GPHN: variants seen among roughly 807,000 people sequenced by gnomAD.
GPHN encodes the protein gephyrin.
In GPHN, 17 loss-of-function variants were observed where a neutral mutation model predicts 95.5. The ratio of observed to expected loss-of-function variants is 0.18; its 90% CI spans 0.12 to 0.27. The LOEUF (loss-of-function observed/expected upper bound fraction) is 0.27, where lower values mean the gene tolerates loss of function less well. Ranked by LOEUF, GPHN falls within the 10% of genes least tolerant of loss-of-function variation. The pLI is 1.00. For missense variants in GPHN, 660 were observed against 978.1 expected, an observed-to-expected ratio of 0.67 and a Z score of 4.34; for synonymous variants, 320 against 322.5, an observed-to-expected ratio of 0.99 and a Z score of 0.08.
At chr14:66,514,818 T>C (rs1464326929) in intron 1 of GPHN, among the ~76,000 whole-genome samples, 1 of 152,066 alleles carries the variant, frequency 6.6e-6, no homozygotes, top group Non-Finnish European at 1.5e-5. Flanking sequence ...AATGATGTCT[T>C]TCTTTGTTTT....
the GPHN span, among the ~76,000 whole-genome samples, chr14:67,489,718 C>T: frequency 4.3e-3 from 659 of 152,310 alleles, 6 homozygotes; most frequent in African/African-American, 0.015. Flanking sequence ...TAGCCGGGCG[C>T]GGTGGCTCAC....
chr14:67,541,887 A>T, the GPHN span: 1 of 1,602,466 alleles, frequency 6.2e-7, no homozygotes, highest in East Asian at 2.3e-5. Context: ...CTCAAGGTGG[A>T]GGCGCCGGCC....
At chr14:66,787,833 A>G (rs906949343) in intron 3 of GPHN, among the ~76,000 whole-genome samples, 7 of 151,096 alleles carry the variant, frequency 4.6e-5, no homozygotes, top group East Asian at 1.9e-4. Flanking sequence ...TTCAAAATAC[A>G]TAGTAGGCTT....
chr14:67,479,611 G>A, the GPHN span, among the ~76,000 whole-genome samples: 7 of 152,020 alleles, frequency 4.6e-5, no homozygotes, highest in Non-Finnish European at 1.0e-4. Flanking sequence ...CCAGCTACTC[G>A]GGAGGCTGAG....
the GPHN span, among the ~76,000 whole-genome samples, chr14:67,367,219 A>G: frequency 6.6e-6 from 1 of 152,338 alleles, no homozygotes; most frequent in Admixed American, 6.5e-5. Flanking sequence ...ACTGCCTGCT[A>G]AAACAAAAAA....
At chr14:67,619,135 G>A in the GPHN span, among the ~76,000 whole-genome samples, 1 of 152,134 alleles carries the variant, frequency 6.6e-6, no homozygotes, top group Admixed American at 6.5e-5. Flanking sequence ...TAGAATTGGA[G>A]GGGTAAAGTT....
At chr14:67,058,244 A>G (rs1361328774) in intron 10 of GPHN, among the ~76,000 whole-genome samples, 1 of 152,240 alleles carries the variant, frequency 6.6e-6, no homozygotes, top group African/African-American at 2.4e-5. Context: ...GTCTAGCAAT[A>G]AATAATCTCT....
intron 1 of GPHN, among the ~76,000 whole-genome samples, chr14:66,570,519 T>C (rs2060643832): frequency 6.6e-6 from 1 of 152,148 alleles, no homozygotes; most frequent in Non-Finnish European, 1.5e-5. Context: ...TTGGCCAGGC[T>C]GGTCTTGAAC....
chr14:67,227,150 A>G, the GPHN span, among the ~76,000 whole-genome samples: 1 of 152,166 alleles, frequency 6.6e-6, no homozygotes, highest in Non-Finnish European at 1.5e-5. Context: ...AAATTGAAAA[A>G]TTTGCTCCCA....
the GPHN span, chr14:67,392,718 G>A: frequency 5.6e-6 from 9 of 1,614,174 alleles, no homozygotes; most frequent in East Asian, 4.5e-5. Flanking sequence ...TCCCCAGAGC[G>A]AATGGCTCCC....
At chr14:67,040,626 A>G (rs921271674) in intron 10 of GPHN, among the ~76,000 whole-genome samples, 3 of 152,172 alleles carry the variant, frequency 2.0e-5, no homozygotes, top group Non-Finnish European at 4.4e-5. Flanking sequence ...GACTCCTTTA[A>G]TATGGAACAA....
the GPHN span, chr14:67,412,066 G>A: frequency 3.9e-6 from 6 of 1,544,066 alleles, no homozygotes; most frequent in Non-Finnish European, 4.4e-6. Context: ...CCATGTCGCC[G>A]CCCGCACGCC....
chr14:66,618,255 A>G (rs1469032691), intron 1 of GPHN, among the ~76,000 whole-genome samples: 2 of 152,112 alleles, frequency 1.3e-5, no homozygotes, highest in Non-Finnish European at 2.9e-5. Flanking sequence ...TTTATTGGCT[A>G]CTTTTATTCA....
At chr14:67,674,471 A>C in the GPHN span, 7 of 1,606,436 alleles carry the variant, frequency 4.4e-6, no homozygotes, top group East Asian at 2.2e-5. Context: ...TGCTCCGAGG[A>C]GGCGGCGGAG....
At chr14:67,610,452 G>T in the GPHN span, among the ~76,000 whole-genome samples, 1 of 152,110 alleles carries the variant, frequency 6.6e-6, no homozygotes. Context: ...GAACTTTGCT[G>T]AAGAATTGTG....
the GPHN span, chr14:67,360,849 T>C: frequency 6.6e-6 from 1 of 152,250 alleles, no homozygotes; most frequent in South Asian, 2.1e-4. Context: ...AATTCCATCT[T>C]TTCTTCCGCC....
intron 5 of GPHN, among the ~76,000 whole-genome samples, chr14:66,901,260 C>T (rs2065117625): frequency 6.6e-6 from 1 of 151,918 alleles, no homozygotes; most frequent in Admixed American, 6.6e-5. Context: ...TATCTGAGCT[C>T]CTTAGATAGT....
chr14:67,535,811 T>C, the GPHN span, among the ~76,000 whole-genome samples: 2 of 152,366 alleles, frequency 1.3e-5, 1 homozygote, highest in South Asian at 4.1e-4. Context: ...TAATATCTCC[T>C]TTAATTCTCA....
At chr14:67,634,235 G>C in the GPHN span, among the ~76,000 whole-genome samples, 2 of 152,110 alleles carry the variant, frequency 1.3e-5, no homozygotes, top group East Asian at 1.9e-4. Context: ...TGGTCTCCCA[G>C]ATTTTTAAAA....
Sources: allele counts gnomAD v4.1 joint callset (sites outside exome capture counted in the v4.1 genomes callset), GRCh38; gene constraint gnomAD v4.1.1; transcripts MANE v1.5; gene names NCBI Gene and HGNC (gene_info 2026-07-23, HGNC 2026-07-21).